Variants in DLC1 observed in about 807,000 individuals in gnomAD.
DLC1 encodes the protein DLC1 Rho GTPase activating protein.
DLC1 carries 54 observed loss-of-function variants against 140.3 expected under a neutral mutation model. The observed-to-expected ratio is 0.38, with a 90% CI of 0.31 to 0.48. The LOEUF is 0.48. Among genes scored for constraint, DLC1 ranks in the 20% least tolerant of loss-of-function variants. The probability of loss-of-function intolerance (pLI) is 0.96; values close to 1 mark genes in which losing one functional copy is unlikely to be tolerated. For synonymous variants in DLC1, 986 were observed against 728.1 expected (o/e 1.35, Z -5.70); for missense variants, 2,536 against 1,907.0 (o/e 1.33, Z -6.14).
At chr8:13,176,649 C>A (rs1457527556) in intron 5 of DLC1, among the ~76,000 whole-genome samples, 1 of 152,216 alleles carries the variant, frequency 6.6e-6, no homozygotes, top group East Asian at 1.9e-4. Flanking sequence ...GACTAATGCA[C>A]ACCCACAGCC....
intron 2 of DLC1, among the ~76,000 whole-genome samples, chr8:13,477,419 T>C (rs778798506): frequency 6.6e-6 from 1 of 152,160 alleles, no homozygotes; most frequent in South Asian, 2.1e-4. Flanking sequence ...GGAGCACGGA[T>C]GTACATTGTA....
intron 2 of DLC1, among the ~76,000 whole-genome samples, chr8:13,421,752 T>C (rs1237002358): frequency 6.6e-6 from 1 of 152,208 alleles, no homozygotes; most frequent in East Asian, 1.9e-4. Flanking sequence ...TTAAGACCTG[T>C]TTGTTTGCCT....
At chr8:13,086,830 C>T in intron 16 of DLC1, among the ~76,000 whole-genome samples, 1 of 151,986 alleles carries the variant, frequency 6.6e-6, no homozygotes, top group East Asian at 1.9e-4. Flanking sequence ...TCAAGACCAG[C>T]CTGGACAACA....
chr8:13,178,672 A>G (rs1554461705), intron 5 of DLC1, among the ~76,000 whole-genome samples: 1 of 150,194 alleles, frequency 6.7e-6, no homozygotes, highest in Admixed American at 6.6e-5. Context: ...TGCAAAACAT[A>G]TAATCAACAA....
At chr8:13,304,250 G>T (rs1563238626) in intron 5 of DLC1, among the ~76,000 whole-genome samples, 1 of 152,072 alleles carries the variant, frequency 6.6e-6, no homozygotes, top group Non-Finnish European at 1.5e-5. Flanking sequence ...TATGATATTA[G>T]TACATTGTTA....
intron 2 of DLC1, among the ~76,000 whole-genome samples, chr8:13,491,631 A>G (rs1801248556): frequency 6.6e-6 from 1 of 152,158 alleles, no homozygotes; most frequent in East Asian, 1.9e-4. Context: ...ATTAGTTATG[A>G]TTAGTGAGTT....
intron 5 of DLC1, among the ~76,000 whole-genome samples, chr8:13,224,899 T>G (rs150115746): frequency 6.6e-6 from 1 of 152,318 alleles, no homozygotes; most frequent in East Asian, 1.9e-4. Flanking sequence ...CTAAAAAAAT[T>G]GTAGAAAGTT....
chr8:13,413,256 A>ATTTTTTTGTTTTTTTTTTTTTTTTT (rs1837875954), intron 2 of DLC1, among the ~76,000 whole-genome samples: 2 of 82,006 alleles, frequency 2.4e-5, no homozygotes, highest in African/African-American at 5.0e-5. Context: ...TTTTTTTGCG[A>ATTTTTTTGTTTTTTTTTTTTTTTTT]TTTTTTTTTT....
intron 12 of DLC1, among the ~76,000 whole-genome samples, chr8:13,093,833 G>A (rs778049932): frequency 3.3e-5 from 5 of 152,136 alleles, no homozygotes; most frequent in Non-Finnish European, 5.9e-5. Flanking sequence ...TTTAAATTAC[G>A]TTGCTGTAAT....
At chr8:13,500,354 A>G (rs1360423798) in intron 1 of DLC1, among the ~76,000 whole-genome samples, 158 bp from the exon 2 acceptor site, 7 of 152,200 alleles carry the variant, frequency 4.6e-5, no homozygotes, top group Non-Finnish European at 8.8e-5. Flanking sequence ...TAAGAAGCCT[A>G]ATACTAGAAG....
At chr8:13,187,936 T>A (rs1563148735) in intron 5 of DLC1, among the ~76,000 whole-genome samples, 1 of 152,092 alleles carries the variant, frequency 6.6e-6, no homozygotes, top group South Asian at 2.1e-4. Flanking sequence ...ATAAGGTAAT[T>A]TTTTTTTCTC....
intron 1 of DLC1, among the ~76,000 whole-genome samples, chr8:13,512,517 AG>A (rs1280379922): frequency 6.6e-6 from 1 of 152,192 alleles, no homozygotes; most frequent in Non-Finnish European, 1.5e-5. Context: ...AAATCAATTA[AG>A]GGATTGCAAA....
intron 5 of DLC1, among the ~76,000 whole-genome samples, chr8:13,193,102 CTTT>C (rs1826855063): frequency 6.6e-6 from 1 of 152,172 alleles, no homozygotes; most frequent in Non-Finnish European, 1.5e-5. Flanking sequence ...GACTTTTCTT[CTTT>C]AAGTCTTCCT....
At chr8:13,087,232 T>A (rs1817640513) in intron 16 of DLC1, among the ~76,000 whole-genome samples, 2 of 152,134 alleles carry the variant, frequency 1.3e-5, no homozygotes, top group African/African-American at 4.8e-5. Flanking sequence ...TGACACCATG[T>A]CTCTACCAGA....
chr8:13,585,574 C>A (rs532914484), intron 1 of DLC1, among the ~76,000 whole-genome samples: 1 of 152,144 alleles, frequency 6.6e-6, no homozygotes, highest in Non-Finnish European at 1.5e-5. Context: ...AAACAACATA[C>A]GTGTATTGTC....
chr8:13,215,691 T>C (rs776519659), intron 5 of DLC1, among the ~76,000 whole-genome samples: 2 of 152,242 alleles, frequency 1.3e-5, no homozygotes, highest in Non-Finnish European at 2.9e-5. Context: ...TGTAGAACTA[T>C]TGAAGGTGAG....
intron 4 of DLC1, among the ~76,000 whole-genome samples, chr8:13,323,097 A>G (rs12677361): frequency 0.32 from 49,120 of 152,072 alleles, 8,265 homozygotes; most frequent in East Asian, 0.43. Flanking sequence ...ACCCTATGAC[A>G]TAGGCTCAGC....
At chr8:13,433,612 A>T (rs562640481) in intron 2 of DLC1, among the ~76,000 whole-genome samples, 105 of 152,352 alleles carry the variant, frequency 6.9e-4, no homozygotes, top group Non-Finnish European at 1.1e-3. Flanking sequence ...GAAATTTCTG[A>T]AACTCACAGA....
At chr8:13,442,009 C>T (rs538253334) in intron 2 of DLC1, among the ~76,000 whole-genome samples, 1 of 152,266 alleles carries the variant, frequency 6.6e-6, no homozygotes, top group East Asian at 1.9e-4. Flanking sequence ...AAACAAGATA[C>T]AGACCAATGG....
Sources: allele counts gnomAD v4.1 joint callset (sites outside exome capture counted in the v4.1 genomes callset), GRCh38; gene constraint gnomAD v4.1.1; transcripts MANE v1.5; gene names NCBI Gene and HGNC (gene_info 2026-07-23, HGNC 2026-07-21).